Variants in DNAAF4 observed in about 807,000 individuals in gnomAD.
The protein encoded by DNAAF4 is dynein axonemal assembly factor 4.
DNAAF4 carries 43 observed loss-of-function variants against 51.8 expected under a neutral mutation model. That is an observed-to-expected ratio of 0.83 (90% CI 0.65 to 1.07). DNAAF4 has a LOEUF of 1.07. DNAAF4 is among the 50% of genes least tolerant of loss of function. The pLI is 0.00. For synonymous variants in DNAAF4, 194 were observed against 165.6 expected, an observed-to-expected ratio of 1.17 and a Z score of -1.32; for missense variants, 581 against 493.0, an observed-to-expected ratio of 1.18 and a Z score of -1.69.
chr15:55,446,314 G>A (rs1444273522), intron 6 of DNAAF4, among the ~76,000 whole-genome samples: 2 of 107,898 alleles, frequency 1.9e-5, no homozygotes. Flanking sequence ...GGGGGCAGCT[G>A]GGCAGAGGCA....
intron 6 of DNAAF4, among the ~76,000 whole-genome samples, chr15:55,449,505 A>G (rs1354631174): frequency 1.3e-5 from 2 of 149,570 alleles, no homozygotes; most frequent in East Asian, 4.4e-4. Flanking sequence ...TCTACTAAAA[A>G]TATAAAAAAT....
intron 4 of DNAAF4, among the ~76,000 whole-genome samples, chr15:55,483,739 C>G (rs1171646818): frequency 6.9e-6 from 1 of 144,358 alleles, no homozygotes; most frequent in African/African-American, 2.5e-5. Flanking sequence ...ATGGGCCAGG[C>G]TGGTCTCGGA....
At chr15:55,502,951 CA>C (rs550423377) in intron 1 of DNAAF4, among the ~76,000 whole-genome samples, 1 of 151,820 alleles carries the variant, frequency 6.6e-6, no homozygotes, top group African/African-American at 2.4e-5. Context: ...GATAGAGACA[CA>C]AAAAACCATT....
chr15:55,427,863 G>A (rs1328522660), downstream of DNAAF4, among the ~76,000 whole-genome samples: 2 of 151,464 alleles, frequency 1.3e-5, no homozygotes, highest in East Asian at 2.0e-4. Context: ...TCGAACTCCC[G>A]ACCTCAGGTG....
intron 6 of DNAAF4, among the ~76,000 whole-genome samples, chr15:55,446,245 C>G (rs2057807249): frequency 7.2e-6 from 1 of 138,168 alleles, no homozygotes; most frequent in Non-Finnish European, 1.5e-5. Flanking sequence ...CAGAGGCGCT[C>G]CTCACCTCCT....
intron 5 of DNAAF4, among the ~76,000 whole-genome samples, chr15:55,450,825 C>G (rs915845925): frequency 2.0e-5 from 3 of 152,202 alleles, no homozygotes; most frequent in Non-Finnish European, 2.9e-5. Context: ...AGGACGGGCG[C>G]AGTGGCTCAT....
chr15:55,474,261 C>T (rs941464746), intron 4 of DNAAF4, among the ~76,000 whole-genome samples: 1 of 152,146 alleles, frequency 6.6e-6, no homozygotes, highest in African/African-American at 2.4e-5. Context: ...ACTAGCTGGG[C>T]GCGATGGCTC....
At chr15:55,420,615 T>C (rs1003553903) in intron 7 of DNAAF4, among the ~76,000 whole-genome samples, 1 of 152,136 alleles carries the variant, frequency 6.6e-6, no homozygotes, top group South Asian at 2.1e-4. Context: ...AACTGATATT[T>C]AGTAATGGCA....
chr15:55,484,290 T>C (rs570051028), intron 4 of DNAAF4, among the ~76,000 whole-genome samples: 1 of 152,158 alleles, frequency 6.6e-6, no homozygotes, highest in Admixed American at 6.6e-5. Flanking sequence ...GAGATCATCC[T>C]GGCTAACATG....
At chr15:55,436,088 C>G (rs2057604875) in intron 7 of DNAAF4, among the ~76,000 whole-genome samples, 1 of 152,056 alleles carries the variant, frequency 6.6e-6, no homozygotes, top group Non-Finnish European at 1.5e-5. Context: ...GCGCCCGGCC[C>G]TATTTTTACT....
At chr15:55,465,393 TACACACACACAC>T (rs61176405) in intron 5 of DNAAF4, among the ~76,000 whole-genome samples, 1 of 149,690 alleles carries the variant, frequency 6.7e-6, no homozygotes, top group Non-Finnish European at 1.5e-5. Context: ...GGTGTATATA[TACACACACACAC>T]ACACACACAC....
chr15:55,454,793 A>G (rs2057992091), intron 5 of DNAAF4, among the ~76,000 whole-genome samples: 1 of 152,224 alleles, frequency 6.6e-6, no homozygotes, highest in Non-Finnish European at 1.5e-5. Flanking sequence ...AGATAAATAA[A>G]TATAAAATTG....
intron 4 of DNAAF4, among the ~76,000 whole-genome samples, chr15:55,480,693 GA>G (rs1472701700): frequency 6.6e-6 from 1 of 151,558 alleles, no homozygotes; most frequent in African/African-American, 2.4e-5. Context: ...GTAGAAACAG[GA>G]AATAGTGGGC....
At chr15:55,491,092 T>C in intron 4 of DNAAF4, 31 bp downstream of exon 4, 1 of 1,613,590 alleles carries the variant, frequency 6.2e-7, no homozygotes, top group Middle Eastern at 1.6e-4. Flanking sequence ...ATTATCTCTT[T>C]AGAGGACTTG....
intron 4 of DNAAF4, among the ~76,000 whole-genome samples, chr15:55,484,080 C>A (rs1005633761): frequency 1.3e-5 from 2 of 151,774 alleles, no homozygotes; most frequent in Admixed American, 6.6e-5. Context: ...TCTCAAAAAA[C>A]CAAAATAACA....
chr15:55,455,254 A>G (rs1316440556), intron 5 of DNAAF4, among the ~76,000 whole-genome samples: 1 of 150,194 alleles, frequency 6.7e-6, no homozygotes, highest in Non-Finnish European at 1.5e-5. Context: ...AAAAAGAAAA[A>G]CGCTCTATAG....
intron 3 of DNAAF4, among the ~76,000 whole-genome samples, chr15:55,494,948 A>G (rs977206044): frequency 7.2e-5 from 11 of 152,174 alleles, no homozygotes; most frequent in African/African-American, 2.2e-4. Flanking sequence ...TTGTGCTACA[A>G]TGGCAGAGCT....
chr15:55,459,248 G>C (rs553807708), intron 5 of DNAAF4, among the ~76,000 whole-genome samples: 1 of 152,194 alleles, frequency 6.6e-6, no homozygotes, highest in Non-Finnish European at 1.5e-5. Context: ...TTTGTATCCA[G>C]TGAAACTAAG....
chr15:55,433,880 T>TTATA (rs1296628826), intron 8 of DNAAF4, among the ~76,000 whole-genome samples: 16 of 46,634 alleles, frequency 3.4e-4, no homozygotes, highest in Non-Finnish European at 5.2e-4. Context: ...ATATATTACA[T>TTATA]ATATTATATA....
Sources: gnomAD v4.1 joint callset for allele counts (sites outside exome capture counted in the v4.1 genomes callset) on GRCh38, gnomAD v4.1.1 for gene constraint, MANE v1.5 for transcripts, NCBI Gene and HGNC (gene_info 2026-07-23, HGNC 2026-07-21) for gene names.